Variants in CHST9 observed in about 807,000 individuals in gnomAD.
CHST9 encodes carbohydrate sulfotransferase 9.
Under a neutral mutation model 44.4 loss-of-function variants are expected in CHST9, and 41 were observed. The ratio of observed to expected loss-of-function variants is 0.92; its 90% CI spans 0.72 to 1.20. The LOEUF is 1.20. Ranked by LOEUF, CHST9 falls within the 50% of genes most tolerant of loss-of-function variation. CHST9 has a pLI of 0.00. For missense variants in CHST9, 504 were observed against 516.5 expected (o/e 0.98, Z 0.23); for synonymous variants, 171 against 178.4 (o/e 0.96, Z 0.33).
chr18:27,096,016 A>C (rs1471533838), intron 2 of CHST9, among the ~76,000 whole-genome samples: 1 of 152,130 alleles, frequency 6.6e-6, no homozygotes, highest in Non-Finnish European at 1.5e-5. Context: ...ACATACTCCA[A>C]GATTGACCAC....
intron 1 of CHST9, among the ~76,000 whole-genome samples, chr18:27,158,157 GGTTA>G (rs2058712854): frequency 6.6e-6 from 1 of 152,038 alleles, no homozygotes; most frequent in South Asian, 2.1e-4. Context: ...ACAACGTGCA[GGTTA>G]GTTACATATG....
intron 3 of CHST9, among the ~76,000 whole-genome samples, chr18:27,028,347 A>T (rs994002292): frequency 7.2e-5 from 11 of 152,354 alleles, no homozygotes; most frequent in Admixed American, 7.2e-4. Context: ...TATATGAACT[A>T]GCAAAACTGG....
At chr18:27,178,676 G>T (rs1403648080) in intron 1 of CHST9, among the ~76,000 whole-genome samples, 2 of 151,906 alleles carry the variant, frequency 1.3e-5, no homozygotes, top group African/African-American at 4.8e-5. Flanking sequence ...AAGAGATGTT[G>T]GTGTGCTTTT....
intron 3 of CHST9, among the ~76,000 whole-genome samples, chr18:27,033,282 T>C (rs1469187205): frequency 1.3e-5 from 2 of 152,210 alleles, no homozygotes; most frequent in Non-Finnish European, 2.9e-5. Flanking sequence ...TCATCTGCTG[T>C]CCTCAACTGT....
intron 4 of CHST9, among the ~76,000 whole-genome samples, chr18:26,967,362 G>GT (rs1568113217): frequency 1.3e-5 from 2 of 152,286 alleles, no homozygotes; most frequent in South Asian, 2.1e-4. Flanking sequence ...TACACGTGTA[G>GT]TAGGGCCATG....
At chr18:27,171,369 T>C (rs544792472) in intron 1 of CHST9, among the ~76,000 whole-genome samples, 1 of 152,262 alleles carries the variant, frequency 6.6e-6, no homozygotes, top group East Asian at 1.9e-4. Flanking sequence ...AACTCCTTGA[T>C]CATGAAATCT....
intron 4 of CHST9, among the ~76,000 whole-genome samples, chr18:26,945,161 T>A (rs1321902310): frequency 6.6e-6 from 1 of 152,186 alleles, no homozygotes; most frequent in Non-Finnish European, 1.5e-5. Flanking sequence ...AACACCTTAG[T>A]GTGTTACAAA....
intron 4 of CHST9, among the ~76,000 whole-genome samples, chr18:27,014,734 A>C (rs2057130224): frequency 6.6e-6 from 1 of 152,062 alleles, no homozygotes; most frequent in African/African-American, 2.4e-5. Context: ...TTCTGTGTAC[A>C]CATTCCCCCA....
At chr18:27,137,796 C>T (rs1036383487) in intron 2 of CHST9, among the ~76,000 whole-genome samples, 5 of 152,166 alleles carry the variant, frequency 3.3e-5, no homozygotes, top group African/African-American at 9.7e-5. Flanking sequence ...AACAGTTATA[C>T]ACCATGACTT....
At chr18:26,939,997 A>G (rs575933495) in intron 5 of CHST9, among the ~76,000 whole-genome samples, 2 of 152,280 alleles carry the variant, frequency 1.3e-5, no homozygotes, top group African/African-American at 4.8e-5. Flanking sequence ...CAGTCTGCCT[A>G]TATATCCTCC....
intron 2 of CHST9, among the ~76,000 whole-genome samples, chr18:27,104,915 C>T (rs372942103): frequency 3.0e-4 from 46 of 151,948 alleles, no homozygotes; most frequent in African/African-American, 8.5e-4. Flanking sequence ...GGCTCATAGA[C>T]GGCACTAAAG....
intron 2 of CHST9, among the ~76,000 whole-genome samples, chr18:27,074,931 A>G (rs905980295): frequency 3.7e-4 from 55 of 148,762 alleles, no homozygotes; most frequent in African/African-American, 1.3e-3. Context: ...AATAACTTAT[A>G]AGATTTAACA....
intron 2 of CHST9, among the ~76,000 whole-genome samples, chr18:27,131,982 T>C (rs2058475750): frequency 6.6e-6 from 1 of 152,188 alleles, no homozygotes. Flanking sequence ...TTTCATGTAT[T>C]AATTTATGTC....
chr18:26,976,248 G>C (rs2056622629), intron 4 of CHST9, among the ~76,000 whole-genome samples: 1 of 152,022 alleles, frequency 6.6e-6, no homozygotes. Context: ...CACACTTGCA[G>C]TAATCTGACT....
chr18:26,919,377 T>G lies in CHST9; in HGVS notation c.241-2027A>C, dbSNP rs573757527. Among the ~76,000 whole-genome samples, 6 of 152,332 alleles carry G rather than the reference T, an allele frequency of 3.9e-5. No individual in the cohort carries two copies. In the South Asian group the frequency reaches 1.2e-3, roughly 32 times the overall value. ...TGCTTCTTTACTCTGATCAGTGATT[T>G]GTAGTACATAAAGTTGTCACTGAAA... is the stretch of plus-strand genomic sequence containing the variant. On this transcript the variant is annotated intron_variant, in intron 5 of 5. Transcript: ENST00000618847.
intron 2 of CHST9, among the ~76,000 whole-genome samples, chr18:27,053,020 A>G (rs2057586872): frequency 6.6e-6 from 1 of 151,442 alleles, no homozygotes; most frequent in African/African-American, 2.4e-5. Flanking sequence ...GCAAACCATC[A>G]TGGCACAGGT....
At chr18:27,148,186 G>T (rs1052080340) in intron 1 of CHST9, among the ~76,000 whole-genome samples, 1 of 151,954 alleles carries the variant, frequency 6.6e-6, no homozygotes, top group Non-Finnish European at 1.5e-5. Flanking sequence ...TTCCACAAAG[G>T]ACATGATCTC....
At chr18:27,075,600 G>T (rs189461918) in intron 2 of CHST9, among the ~76,000 whole-genome samples, 100 of 152,246 alleles carry the variant, frequency 6.6e-4, no homozygotes, top group Non-Finnish European at 1.2e-3. Flanking sequence ...CATAATATTA[G>T]ACTGTACCAG....
At chr18:27,009,727 G>A (rs1195995979) in intron 4 of CHST9, among the ~76,000 whole-genome samples, 2 of 152,152 alleles carry the variant, frequency 1.3e-5, no homozygotes, top group African/African-American at 2.4e-5. Flanking sequence ...GTTGAAAAGG[G>A]TACCATCAAA....
Sources: allele counts gnomAD v4.1 joint callset (sites outside exome capture counted in the v4.1 genomes callset), GRCh38; gene constraint gnomAD v4.1.1; transcripts MANE v1.5; gene names NCBI Gene and HGNC (gene_info 2026-07-23, HGNC 2026-07-21).